Variants in CNTLN observed in about 807,000 individuals in gnomAD.
The protein encoded by CNTLN is centlein.
Under a neutral mutation model 180.0 loss-of-function variants are expected in CNTLN, and 212 were observed. The ratio of observed to expected loss-of-function variants is 1.18; its 90% CI spans 1.05 to 1.32. The LOEUF (loss-of-function observed/expected upper bound fraction) is 1.32, where lower values mean the gene tolerates loss of function less well. Ranked by LOEUF, CNTLN falls within the 40% of genes most tolerant of loss-of-function variation. The pLI, the probability that CNTLN is intolerant of heterozygous loss-of-function variation, is 0.00. For missense variants in CNTLN, 2,095 were observed against 1,610.9 expected, an observed-to-expected ratio of 1.30 and a Z score of -5.14; for synonymous variants, 722 against 563.1, an observed-to-expected ratio of 1.28 and a Z score of -3.99.
rs377643049 is a variant in CNTLN, at chr9:17,298,325, C to T, written c.1119C>T (p.His373=). The change falls in exon 7 of 26, where the codon CAC becomes CAT. Residue 373 remains histidine, a synonymous_variant. Coordinates refer to ENST00000380647, the MANE Select transcript of CNTLN (RefSeq NM_017738.4). Reference sequence around the variant, plus strand: ...TACTGAGAAATCAGGAAGATGTTCACACAGCTGAAAGTATATCATATCAAA... The same window carrying T: ...TACTGAGAAATCAGGAAGATGTTCATACAGCTGAAAGTATATCATATCAAA... The part of the protein sequence containing the change: ...QKVLRNQEDV[H]TAESISYQKL... 4.6e-5 allele frequency: 74 copies of T among 1,612,664 alleles called. 1 individual carries two copies. Among genetic ancestry groups the T allele is most frequent in the Middle Eastern group, 1.6e-4 (1 of 6,076 alleles).
intron 9 of CNTLN, 74 bp downstream of exon 9, chr9:17,330,882 A>G (rs968425149): frequency 7.5e-7 from 1 of 1,331,748 alleles, no homozygotes; most frequent in Non-Finnish European, 1.0e-6. Flanking sequence ...TAAAAAACAA[A>G]TGGCAGCATT....
Position 17,276,500 on chromosome 9 carries a change from C to G in CNTLN, c.983+2634C>G, listed in dbSNP as rs187785520. 6.8e-3 allele frequency among the ~76,000 whole-genome samples: 1,040 copies of G among 152,120 alleles called. 10 individuals are homozygous for G. Among genetic ancestry groups the G allele is most frequent in the Middle Eastern group, 0.034 (10 of 294 alleles). ...GAGCTACTGTTTCTGTATGGATTTC[C>G]TTCTTTGAAGTTCATAGTCATTTAT... On this transcript the variant is annotated intron_variant, in intron 6 of 25. Transcript: ENST00000380647.
Position 17,466,171 on chromosome 9 carries a change from G to C in CNTLN, c.3669+53G>C, listed in dbSNP as rs1831736269. 2.7e-6 allele frequency: 4 copies of C among 1,499,966 alleles called. No individual in the cohort carries two copies. In the Admixed American group the frequency reaches 7.6e-5, roughly 28 times the overall value. 92.9% of individuals were successfully genotyped at this position (1,499,966 alleles called of 1,614,324 possible). On this transcript the variant is annotated intron_variant, in intron 22 of 25. Coordinates refer to ENST00000380647, the MANE Select transcript of CNTLN (RefSeq NM_017738.4). Reference sequence around the variant, plus strand: ...TTACAGATGGAATATAATCGTGTTTGTTTCATTTTTAACATTGTTGCTTTT... The same window carrying C: ...TTACAGATGGAATATAATCGTGTTTCTTTCATTTTTAACATTGTTGCTTTT...
chr9:17,344,070 A>G (rs1267903735), intron 12 of CNTLN, among the ~76,000 whole-genome samples: 3 of 152,212 alleles, frequency 2.0e-5, no homozygotes, highest in Non-Finnish European at 2.9e-5. Flanking sequence ...GTAATTTTGA[A>G]TAAAGTGAAT....
At chr9:17,451,993 G>A (rs1198524853) in intron 18 of CNTLN, among the ~76,000 whole-genome samples, 1 of 152,074 alleles carries the variant, frequency 6.6e-6, no homozygotes, top group Non-Finnish European at 1.5e-5. Flanking sequence ...ATTTCCCTTG[G>A]AGCACTGCTT....
chr9:17,257,434 C>T (rs1420674679), intron 5 of CNTLN, among the ~76,000 whole-genome samples: 1 of 152,074 alleles, frequency 6.6e-6, no homozygotes, highest in Non-Finnish European at 1.5e-5. Context: ...CCGCAGTAAA[C>T]ATAGGTGTGC....
Position 17,236,390 on chromosome 9 carries a change from T to G in CNTLN, c.670-19T>G, listed in dbSNP as rs758989974. On this transcript the variant is annotated intron_variant, in intron 4 of 25. Transcript: ENST00000380647. Reference sequence around the variant, plus strand: ...TTCGTTTTGTTTTATTTATTTGCCCTTGTGGTACTGTTCTACAGGACACTA... The same window carrying G: ...TTCGTTTTGTTTTATTTATTTGCCCGTGTGGTACTGTTCTACAGGACACTA... 1.9e-6 allele frequency: 3 copies of G among 1,551,086 alleles called. No individual in the cohort carries two copies. In the South Asian group the frequency reaches 3.7e-5, roughly 19 times the overall value.
At chr9:17,346,990 C>G (rs1390957687) in intron 12 of CNTLN, among the ~76,000 whole-genome samples, 1 of 152,140 alleles carries the variant, frequency 6.6e-6, no homozygotes, top group Non-Finnish European at 1.5e-5. Flanking sequence ...CTGATTGTCT[C>G]TTCTCTCATG....
chr9:17,430,930 C>T (rs1170599704), intron 18 of CNTLN, among the ~76,000 whole-genome samples: 2 of 152,244 alleles, frequency 1.3e-5, no homozygotes, highest in East Asian at 3.9e-4. Flanking sequence ...ATATATATCA[C>T]ATTTTCTTTA....
intron 23 of CNTLN, among the ~76,000 whole-genome samples, chr9:17,475,606 C>T (rs1418784138): frequency 6.6e-6 from 1 of 151,980 alleles, no homozygotes; most frequent in Non-Finnish European, 1.5e-5. Flanking sequence ...GGCACAGTGG[C>T]TCACGTCTGT....
rs1254485624 is a variant in CNTLN, at chr9:17,288,961, C to A, written c.984-9229C>A. 1.7e-5 allele frequency among the ~76,000 whole-genome samples: 2 copies of A among 116,788 alleles called. 1 individual carries two copies. Among genetic ancestry groups the A allele is most frequent in the African/African-American group, 7.7e-5 (2 of 26,066 alleles). 76.6% of individuals were successfully genotyped at this position (116,788 alleles called of 152,430 possible). On this transcript the variant is annotated intron_variant, in intron 6 of 25. Coordinates refer to ENST00000380647, the MANE Select transcript of CNTLN (RefSeq NM_017738.4). ...CACTGATGGGTCTTGACTCTTTATCCAATTTGCCAGTCTGTGTCTTTTAAT... is the reference window on the plus strand; with the variant it reads ...CACTGATGGGTCTTGACTCTTTATCAAATTTGCCAGTCTGTGTCTTTTAAT...
intron 18 of CNTLN, among the ~76,000 whole-genome samples, chr9:17,440,293 G>C (rs1053167762): frequency 1.3e-4 from 20 of 152,016 alleles, no homozygotes; most frequent in African/African-American, 4.8e-4. Context: ...TGAAAACACG[G>C]CCGGGCATGG....
intron 6 of CNTLN, among the ~76,000 whole-genome samples, chr9:17,289,958 C>T (rs1436087088): frequency 1.3e-5 from 2 of 151,242 alleles, no homozygotes; most frequent in Non-Finnish European, 2.9e-5. Flanking sequence ...GTTTGAATGT[C>T]CTCCCGTAGC....
At chr9:17,294,823 GGA>G (rs1817714253) in intron 6 of CNTLN, among the ~76,000 whole-genome samples, 1 of 25,574 alleles carries the variant, frequency 3.9e-5, no homozygotes, top group Admixed American at 2.8e-4. Flanking sequence ...GGCGAAGGGG[GGA>G]GGGCGGGGAG....
At chr9:17,400,623 C>T (rs574672793) in intron 15 of CNTLN, among the ~76,000 whole-genome samples, 13 of 152,126 alleles carry the variant, frequency 8.5e-5, no homozygotes, top group East Asian at 1.9e-4. Flanking sequence ...TTCATAGATA[C>T]GTTGTGAGAA....
chr9:17,525,664 C>T, the CNTLN span, among the ~76,000 whole-genome samples: 1 of 151,982 alleles, frequency 6.6e-6, no homozygotes, highest in African/African-American at 2.4e-5. Flanking sequence ...TTTTAAAAGA[C>T]CTAATTTTAT....
At chr9:17,181,222 T>C (rs1821105162) in intron 2 of CNTLN, among the ~76,000 whole-genome samples, 1 of 152,240 alleles carries the variant, frequency 6.6e-6, no homozygotes, top group African/African-American at 2.4e-5. Flanking sequence ...GTTCGTTTTG[T>C]CTATTTTCCA....
At chr9:17,223,658 G>C (rs1316106991) in intron 2 of CNTLN, among the ~76,000 whole-genome samples, 1 of 151,966 alleles carries the variant, frequency 6.6e-6, no homozygotes, top group Non-Finnish European at 1.5e-5. Context: ...TTACCTGGCT[G>C]TTTCATTTGC....
At chr9:17,513,095 A>AG in the CNTLN span, among the ~76,000 whole-genome samples, 2 of 152,174 alleles carry the variant, frequency 1.3e-5, no homozygotes, top group Non-Finnish European at 2.9e-5. Flanking sequence ...CTGGGATTAC[A>AG]GGCCACGGTG....
Sources: gnomAD v4.1 joint callset for allele counts (sites outside exome capture counted in the v4.1 genomes callset) on GRCh38, gnomAD v4.1.1 for gene constraint, MANE v1.5 for transcripts, NCBI Gene and HGNC (gene_info 2026-07-23, HGNC 2026-07-21) for gene names.